Variants in MYO3B observed in about 807,000 individuals in gnomAD.
MYO3B encodes myosin IIIB.
A neutral mutation model predicts 174.6 loss-of-function variants in MYO3B; 156 were observed. The observed-to-expected ratio is 0.89, with a 90% CI of 0.78 to 1.02. The LOEUF (loss-of-function observed/expected upper bound fraction) is 1.02, where lower values mean the gene tolerates loss of function less well. MYO3B is among the 50% of genes least tolerant of loss of function. MYO3B has a pLI of 0.00. For synonymous variants in MYO3B, 563 were observed against 569.1 expected, an observed-to-expected ratio of 0.99 and a Z score of 0.15; for missense variants, 1,632 against 1,639.4, an observed-to-expected ratio of 1.00 and a Z score of 0.08.
intron 10 of MYO3B, 65 bp downstream of exon 10, chr2:170,382,177 T>C (rs1275150838): frequency 7.5e-7 from 1 of 1,337,982 alleles, no homozygotes; most frequent in South Asian, 1.2e-5. Context: ...GTCTGAACTT[T>C]CTGTTGTAGA....
chr2:170,488,208 G>A (rs950477439), intron 25 of MYO3B, among the ~76,000 whole-genome samples: 31 of 152,194 alleles, frequency 2.0e-4, no homozygotes, highest in African/African-American at 5.5e-4. Context: ...TCTTGATAAA[G>A]TCCAACATGA....
chr2:170,578,684 T>C (rs974278530), intron 32 of MYO3B, among the ~76,000 whole-genome samples: 2 of 152,256 alleles, frequency 1.3e-5, no homozygotes, highest in African/African-American at 4.8e-5. Context: ...CTCATTTCTC[T>C]AAACTAACTG....
intron 25 of MYO3B, among the ~76,000 whole-genome samples, chr2:170,473,599 G>T (rs1268079810): frequency 2.6e-5 from 4 of 152,080 alleles, no homozygotes; most frequent in Non-Finnish European, 5.9e-5. Context: ...AAGATTTCAG[G>T]TAAGTCATAG....
At chr2:170,416,818 G>GTTGTT (rs2094582662) in intron 22 of MYO3B, among the ~76,000 whole-genome samples, 1 of 116,124 alleles carries the variant, frequency 8.6e-6, no homozygotes, top group African/African-American at 3.3e-5. Context: ...TTTTTCTGTT[G>GTTGTT]TTTTTTTTTT....
chr2:170,555,518 A>G (rs180853843), intron 32 of MYO3B, among the ~76,000 whole-genome samples: 1 of 152,160 alleles, frequency 6.6e-6, no homozygotes, highest in Non-Finnish European at 1.5e-5. Flanking sequence ...TCAGAATGTC[A>G]TATAGTTGGA....
chr2:170,432,192 T>C (rs906056845), intron 22 of MYO3B, among the ~76,000 whole-genome samples: 1 of 152,186 alleles, frequency 6.6e-6, no homozygotes, highest in African/African-American at 2.4e-5. Flanking sequence ...AGGCAGGTTC[T>C]TTAGGAGGTA....
rs1197705429 is a variant in MYO3B, at chr2:170,214,459, A to G, written c.402A>G (p.Ser134=). Residue 134 remains serine, a synonymous_variant, in exon 4 of 35, where the codon TCA becomes TCG. Coordinates refer to ENST00000408978, the MANE Select transcript of MYO3B (RefSeq NM_138995.5). ...AGCGGTTGGATGAAGCAATGATCTC[A>G]TACATCTTGTACGGGGCCCTCTTGG... is the stretch of plus-strand genomic sequence containing the variant. ...CGQRLDEAMI[S]YILYGALLGL... 6.2e-7 allele frequency: 1 copy of G among 1,610,478 alleles called. No homozygotes were observed. The highest frequency in any genetic ancestry group is 2.2e-5 in the East Asian group (1 of 44,868).
chr2:170,392,438 C>G lies in MYO3B; in HGVS notation c.1734C>G (p.Tyr578Ter). ...ACGACATAACTTCCAAGGAGTCTTA[C>G]AGAAGACAATTCGAAGCAATTCAGC... ...VMHDITSKES[Y>*]RRQFEAIQHC... is the part of the protein sequence containing the mutation. The change falls in exon 16 of 35, where the codon TAC (tyrosine) becomes TAG (stop). Residue 578 changes from tyrosine (Y) to a stop codon, truncating the protein, a stop_gained. Transcript: ENST00000408978. LOFTEE classifies it high-confidence loss of function. 1 of 1,600,000 alleles carries G rather than the reference C, an allele frequency of 6.3e-7. No individual in the cohort carries two copies. Among genetic ancestry groups the G allele is most frequent in the South Asian group, 1.1e-5 (1 of 87,952 alleles).
chr2:170,227,358 C>T (rs1269467501), intron 6 of MYO3B, among the ~76,000 whole-genome samples: 3 of 152,106 alleles, frequency 2.0e-5, no homozygotes, highest in African/African-American at 7.2e-5. Flanking sequence ...GATTTTGGCT[C>T]ACTGCGACCT....
intron 32 of MYO3B, among the ~76,000 whole-genome samples, chr2:170,555,443 C>A (rs932949964): frequency 2.0e-5 from 3 of 152,188 alleles, no homozygotes; most frequent in Non-Finnish European, 2.9e-5. Context: ...AAGCCCCTGG[C>A]AACCACTATT....
chr2:170,199,003 G>A (rs969665264), intron 1 of MYO3B, among the ~76,000 whole-genome samples: 3 of 152,098 alleles, frequency 2.0e-5, no homozygotes, highest in Admixed American at 6.5e-5. Context: ...ATGTTTCAGA[G>A]CCATGTTACT....
chr2:170,499,004 C>T (rs1315132099), intron 26 of MYO3B, among the ~76,000 whole-genome samples: 5 of 152,194 alleles, frequency 3.3e-5, no homozygotes, highest in Non-Finnish European at 2.9e-5. Context: ...CATGTAAATA[C>T]ACAAATCATA....
At chr2:170,288,104 G>A (rs7564127) in intron 7 of MYO3B, among the ~76,000 whole-genome samples, 150,616 of 152,272 alleles carry the variant, frequency 0.99, 74,512 homozygotes, top group Middle Eastern at 1. Context: ...TGCCAGTACC[G>A]TACTGTTTTG....
intron 32 of MYO3B, among the ~76,000 whole-genome samples, chr2:170,630,885 C>A (rs915476203): frequency 2.6e-5 from 4 of 152,176 alleles, no homozygotes; most frequent in African/African-American, 9.7e-5. Context: ...ACATCCACAC[C>A]AAAACCCCAT....
intron 32 of MYO3B, among the ~76,000 whole-genome samples, chr2:170,550,843 CT>C (rs1690828793): frequency 6.6e-6 from 1 of 152,056 alleles, no homozygotes; most frequent in African/African-American, 2.4e-5. Context: ...TTCCAGACTT[CT>C]AAATAGTCTA....
intron 7 of MYO3B, among the ~76,000 whole-genome samples, chr2:170,248,115 A>C (rs1426210756): frequency 6.6e-6 from 1 of 151,954 alleles, no homozygotes; most frequent in Non-Finnish European, 1.5e-5. Context: ...TTCATGCTGC[A>C]TTACTCATCA....
intron 20 of MYO3B, 29 bp from the exon 21 acceptor site, chr2:170,405,516 G>A (rs1446444548): frequency 3.1e-6 from 5 of 1,605,776 alleles, no homozygotes; most frequent in Non-Finnish European, 4.3e-6. Flanking sequence ...AATTCACATT[G>A]TAACTCTCCA....
chr2:170,300,286 C>A (rs1180816152), intron 7 of MYO3B, among the ~76,000 whole-genome samples: 4 of 152,062 alleles, frequency 2.6e-5, no homozygotes, highest in Admixed American at 2.6e-4. Flanking sequence ...TTCTCTTTTT[C>A]CCTGCTACAA....
chr2:170,402,145 G>C (rs2094481742), intron 18 of MYO3B, among the ~76,000 whole-genome samples: 1 of 152,202 alleles, frequency 6.6e-6, no homozygotes, highest in African/African-American at 2.4e-5. Flanking sequence ...ATTTATGCCT[G>C]AGGTTGCAAT....
Sources: allele counts gnomAD v4.1 joint callset (sites outside exome capture counted in the v4.1 genomes callset), GRCh38; gene constraint gnomAD v4.1.1; transcripts MANE v1.5; gene names NCBI Gene and HGNC (gene_info 2026-07-23, HGNC 2026-07-21).